Variants in MDGA2 observed in about 807,000 individuals in gnomAD.
The protein encoded by MDGA2 is MAM domain-containing glycosylphosphatidylinositol anchor protein 2.
Under a neutral mutation model 117.8 loss-of-function variants are expected in MDGA2, and 40 were observed. The ratio of observed to expected loss-of-function variants is 0.34; its 90% CI spans 0.26 to 0.44. MDGA2 has a LOEUF of 0.44. Among genes scored for constraint, MDGA2 ranks in the 20% least tolerant of loss-of-function variants. The pLI is 1.00. For synonymous variants in MDGA2, 452 were observed against 439.0 expected (o/e 1.03, Z -0.37); for missense variants, 1,123 against 1,250.6 (o/e 0.90, Z 1.54).
chr14:47,422,928 T>C (rs1281297603), intron 1 of MDGA2, among the ~76,000 whole-genome samples: 7 of 152,194 alleles, frequency 4.6e-5, no homozygotes, highest in Admixed American at 1.3e-4. Flanking sequence ...AGATGATAGA[T>C]AGATAGGTAG....
intron 8 of MDGA2, among the ~76,000 whole-genome samples, chr14:47,023,697 G>A (rs1471020917): frequency 6.6e-6 from 1 of 152,012 alleles, no homozygotes; most frequent in Admixed American, 6.5e-5. Context: ...AATTCAAGAG[G>A]AGAAAAAAAT....
intron 1 of MDGA2, among the ~76,000 whole-genome samples, chr14:47,600,268 G>A (rs116085691): frequency 0.034 from 5,184 of 151,504 alleles, 309 homozygotes; most frequent in African/African-American, 0.12. Flanking sequence ...GTATTTTTTC[G>A]TATTTTGTAT....
chr14:47,079,003 C>CT lies in MDGA2; in HGVS notation c.1196-17426dup, dbSNP rs894538987. 9.6e-4 allele frequency among the ~76,000 whole-genome samples: 144 copies of CT among 150,478 alleles called. 1 individual carries two copies. Among genetic ancestry groups the CT allele is most frequent in the African/African-American group, 3.4e-3 (140 of 40,884 alleles). The stretch of plus-strand genomic sequence containing the variant: ...CTACTTTCTACTTTTATCAATACAA[C>CT]TTTTTTTAGATTCCACATGTAAGTG... On this transcript the variant is annotated intron_variant, in intron 6 of 16. Transcript: ENST00000399232.
chr14:47,368,004 G>T (rs1891266530), intron 1 of MDGA2, among the ~76,000 whole-genome samples: 1 of 152,162 alleles, frequency 6.6e-6, no homozygotes, highest in Admixed American at 6.5e-5. Context: ...ATATGGCCGG[G>T]CGTGGTGGCT....
chr14:47,589,853 TG>T (rs1350611903), intron 1 of MDGA2, among the ~76,000 whole-genome samples: 1 of 152,020 alleles, frequency 6.6e-6, no homozygotes, highest in Non-Finnish European at 1.5e-5. Context: ...AATAATATTT[TG>T]TAGTTTTCAG....
chr14:47,662,361 CAT>C (rs112016097), intron 1 of MDGA2, among the ~76,000 whole-genome samples: 36 of 151,980 alleles, frequency 2.4e-4, no homozygotes, highest in Non-Finnish European at 4.4e-4. Context: ...TATATACAAA[CAT>C]ATATTTGTAT....
At chr14:47,126,064 C>T (rs1482978442) in intron 5 of MDGA2, among the ~76,000 whole-genome samples, 2 of 151,992 alleles carry the variant, frequency 1.3e-5, no homozygotes, top group East Asian at 3.9e-4. Context: ...TTTCAAAATA[C>T]ACCTATATTA....
At chr14:47,335,303 A>T (rs1299768405) in intron 1 of MDGA2, among the ~76,000 whole-genome samples, 2 of 135,016 alleles carry the variant, frequency 1.5e-5, no homozygotes, top group Non-Finnish European at 3.2e-5. Flanking sequence ...AAAAAAAAAA[A>T]GGTTTCCGTA....
chr14:47,166,304 G>A (rs931501669), intron 3 of MDGA2, among the ~76,000 whole-genome samples: 1 of 152,032 alleles, frequency 6.6e-6, no homozygotes, highest in African/African-American at 2.4e-5. Flanking sequence ...AAAGTGCTGG[G>A]ATTACAGGCG....
intron 3 of MDGA2, among the ~76,000 whole-genome samples, chr14:47,146,765 G>GT (rs1281173189): frequency 6.6e-6 from 1 of 152,150 alleles, no homozygotes; most frequent in Admixed American, 6.5e-5. Flanking sequence ...GGTAAACAGT[G>GT]TAACAATGAT....
At chr14:47,203,448 AC>A (rs755006962) in intron 3 of MDGA2, among the ~76,000 whole-genome samples, 4 of 151,980 alleles carry the variant, frequency 2.6e-5, no homozygotes, top group Non-Finnish European at 5.9e-5. Flanking sequence ...CTGAGGGAAC[AC>A]AAGAAACTAG....
At chr14:47,515,730 A>C (rs1362165220) in intron 1 of MDGA2, among the ~76,000 whole-genome samples, 1 of 152,160 alleles carries the variant, frequency 6.6e-6, no homozygotes, top group Non-Finnish European at 1.5e-5. Flanking sequence ...GGAATAAAAA[A>C]AGGCCCAACT....
chr14:47,236,527 CAAAACA>C (rs1180892982), intron 2 of MDGA2, among the ~76,000 whole-genome samples: 3 of 152,056 alleles, frequency 2.0e-5, no homozygotes, highest in Admixed American at 6.5e-5. Context: ...CCTTTTAAAA[CAAAACA>C]AAAACAAAAA....
chr14:47,147,206 C>T (rs902528555), intron 3 of MDGA2, among the ~76,000 whole-genome samples: 7 of 150,594 alleles, frequency 4.6e-5, no homozygotes, highest in African/African-American at 1.2e-4. Context: ...GTAATTTATA[C>T]ACACATATCA....
chr14:47,120,255 C>CT (rs1415862170), intron 5 of MDGA2, among the ~76,000 whole-genome samples: 1 of 152,088 alleles, frequency 6.6e-6, no homozygotes, highest in Non-Finnish European at 1.5e-5. Context: ...TATTTCCATG[C>CT]TTGTGAAACC....
intron 3 of MDGA2, among the ~76,000 whole-genome samples, chr14:47,211,164 C>G (rs1885869035): frequency 6.6e-6 from 1 of 152,058 alleles, no homozygotes; most frequent in African/African-American, 2.4e-5. Context: ...ACCATCGTAA[C>G]CACTAGTCCC....
chr14:47,383,163 T>G (rs910221615), intron 1 of MDGA2, among the ~76,000 whole-genome samples: 1 of 152,026 alleles, frequency 6.6e-6, no homozygotes, highest in Non-Finnish European at 1.5e-5. Flanking sequence ...ATGAGAACAC[T>G]TGGACACAGG....
intron 1 of MDGA2, among the ~76,000 whole-genome samples, chr14:47,416,849 T>C (rs1892485951): frequency 6.6e-6 from 1 of 152,096 alleles, no homozygotes; most frequent in Non-Finnish European, 1.5e-5. Flanking sequence ...AACAAAACCA[T>C]GAAATCATTC....
intron 6 of MDGA2, among the ~76,000 whole-genome samples, chr14:47,091,015 T>C (rs1039954016): frequency 1.2e-4 from 19 of 152,258 alleles, no homozygotes; most frequent in East Asian, 1.9e-4. Context: ...TGATTATTAT[T>C]GTTATAAGCT....
Sources: gnomAD v4.1 joint callset for allele counts (sites outside exome capture counted in the v4.1 genomes callset) on GRCh38, gnomAD v4.1.1 for gene constraint, MANE v1.5 for transcripts, NCBI Gene and HGNC (gene_info 2026-07-23, HGNC 2026-07-21) for gene names.